Variants in CACNA2D3 observed in about 807,000 individuals in gnomAD.
CACNA2D3 encodes the protein voltage-dependent calcium channel subunit alpha-2/delta-3.
CACNA2D3 carries 60 observed loss-of-function variants against 160.6 expected under a neutral mutation model. That is an observed-to-expected ratio of 0.37 (90% CI 0.30 to 0.46). The LOEUF is 0.46. CACNA2D3 is among the 20% of genes least tolerant of loss of function. The pLI is 1.00. For missense variants in CACNA2D3, 1,205 were observed against 1,365.0 expected (o/e 0.88, Z 1.85); for synonymous variants, 558 against 492.9 (o/e 1.13, Z -1.75).
In CACNA2D3 at chr3:54,502,021, G is replaced by C. The variant is rs187106933; in HGVS notation, c.382-1471G>C. Among the ~76,000 whole-genome samples the C allele has an allele frequency of 2.1e-3, 325 of 152,280 alleles. 1 individual carries two copies. Among genetic ancestry groups the C allele is most frequent in the Non-Finnish European group, 3.5e-3 (237 of 68,024 alleles). On this transcript the variant is annotated intron_variant, in intron 4 of 37. Transcript: ENST00000474759. ...AATCCTTATCCCTGTTCCCCTACAG[G>C]TAAGATTCTCCCACCCTCTTTCTGG...
intron 15 of CACNA2D3, among the ~76,000 whole-genome samples, chr3:54,838,052 TG>T (rs2106758498): frequency 6.6e-6 from 1 of 152,198 alleles, no homozygotes; most frequent in East Asian, 1.9e-4. Flanking sequence ...CCTTGGAAAA[TG>T]GGGCTCCAGA....
intron 2 of CACNA2D3, 117 bp from the exon 3 acceptor site, chr3:54,320,325 A>G (rs1703959045): frequency 1.9e-6 from 1 of 539,648 alleles, no homozygotes. Context: ...ATTCACCAGA[A>G]GCAGTCATGG....
intron 2 of CACNA2D3, among the ~76,000 whole-genome samples, chr3:54,166,439 G>T (rs1159828452): frequency 6.6e-6 from 1 of 152,218 alleles, no homozygotes; most frequent in Non-Finnish European, 1.5e-5. Flanking sequence ...TCTGTCCAGA[G>T]CCCCTTGTTA....
At chr3:54,551,614 C>A (rs1489736019) in intron 5 of CACNA2D3, among the ~76,000 whole-genome samples, 1 of 152,126 alleles carries the variant, frequency 6.6e-6, no homozygotes, top group African/African-American at 2.4e-5. Context: ...TGGGCCAGAT[C>A]AGAATGGTGT....
intron 2 of CACNA2D3, among the ~76,000 whole-genome samples, chr3:54,291,865 C>T (rs565466617): frequency 6.6e-6 from 1 of 152,262 alleles, no homozygotes; most frequent in Admixed American, 6.5e-5. Context: ...CTGTTACGTG[C>T]TGAACACTGT....
In CACNA2D3 at chr3:54,182,289, T is replaced by G. The variant is rs78033501; in HGVS notation, c.204+58695T>G. On this transcript the variant is annotated intron_variant, in intron 2 of 37. Transcript: ENST00000474759. ...AAATGAGATTTTGCTTGATTGGTATTTTTATTTTGGAAATCCAATTTTAGC... is the reference window on the plus strand; with the variant it reads ...AAATGAGATTTTGCTTGATTGGTATGTTTATTTTGGAAATCCAATTTTAGC... Among the ~76,000 whole-genome samples the G allele has an allele frequency of 3.6e-3, 542 of 152,338 alleles. 26 individuals carry two copies. The East Asian group carries it at 0.095, about 27-fold the overall frequency.
At chr3:54,534,528 A>G (rs557776218) in intron 5 of CACNA2D3, among the ~76,000 whole-genome samples, 1 of 152,010 alleles carries the variant, frequency 6.6e-6, no homozygotes, top group Non-Finnish European at 1.5e-5. Context: ...TTCCCGCTGT[A>G]ATGGTATATG....
At chr3:54,171,158 T>TTTTTTTTTTTTTTTTTTTTTTG (rs1553743546) in intron 2 of CACNA2D3, among the ~76,000 whole-genome samples, 1 of 140,678 alleles carries the variant, frequency 7.1e-6, no homozygotes. Context: ...TTTTTTTTTT[T>TTTTTTTTTTTTTTTTTTTTTTG]AGGAATAGCT....
chr3:54,400,208 C>A (rs1699426988), intron 4 of CACNA2D3, among the ~76,000 whole-genome samples: 1 of 149,318 alleles, frequency 6.7e-6, no homozygotes, highest in Non-Finnish European at 1.5e-5. Context: ...CTGGCACTCC[C>A]TAGTGAGATG....
intron 2 of CACNA2D3, among the ~76,000 whole-genome samples, chr3:54,257,308 C>G (rs1485101146): frequency 1.3e-5 from 2 of 152,206 alleles, no homozygotes; most frequent in South Asian, 2.1e-4. Flanking sequence ...CGGCAAATAT[C>G]TGATTCAAAT....
chr3:54,523,843 A>G (rs925365114), intron 5 of CACNA2D3, among the ~76,000 whole-genome samples: 10 of 151,978 alleles, frequency 6.6e-5, no homozygotes, highest in Non-Finnish European at 1.0e-4. Context: ...TAAAGTTGTT[A>G]GTAATATGCC....
chr3:54,433,898 C>T (rs568176466), intron 4 of CACNA2D3, among the ~76,000 whole-genome samples: 1 of 152,314 alleles, frequency 6.6e-6, no homozygotes, highest in East Asian at 1.9e-4. Context: ...TACTAATTAT[C>T]CAACCCCCTG....
At chr3:54,778,815 A>G (rs1702474765) in intron 13 of CACNA2D3, among the ~76,000 whole-genome samples, 1 of 152,178 alleles carries the variant, frequency 6.6e-6, no homozygotes, top group Admixed American at 6.5e-5. Context: ...ATCTTCTCCA[A>G]CATTTCACTC....
At chr3:54,386,814 T>A (rs772711940) in intron 4 of CACNA2D3, 40 bp downstream of exon 4, 1 of 1,540,712 alleles carries the variant, frequency 6.5e-7, no homozygotes, top group Non-Finnish European at 8.8e-7. Context: ...TTTGTGTGTT[T>A]CCTGCCAAAG....
Position 54,896,883 on chromosome 3 carries a change from G to T in CACNA2D3, c.2368+13G>T. On this transcript the variant is annotated intron_variant, in intron 26 of 37. Coordinates refer to ENST00000474759, the MANE Select transcript of CACNA2D3 (RefSeq NM_018398.3). ...CCATTCAGCACTGGTGGGTGCCCTT[G>T]TTGGAGGCGGGCTCTGTCTGTCTGG... is the stretch of plus-strand genomic sequence containing the variant. The T allele has an allele frequency of 1.2e-6, 2 of 1,613,910 alleles. No individual in the cohort carries two copies. Among genetic ancestry groups the T allele is most frequent in the Non-Finnish European group, 1.7e-6 (2 of 1,179,858 alleles).
chr3:54,522,310 T>G (rs1701658198), intron 5 of CACNA2D3, among the ~76,000 whole-genome samples: 1 of 152,180 alleles, frequency 6.6e-6, no homozygotes, highest in South Asian at 2.1e-4. Flanking sequence ...ATGAAATTGT[T>G]TTCTTAATTT....
At chr3:54,845,271 AC>A (rs1413222146) in intron 16 of CACNA2D3, among the ~76,000 whole-genome samples, 1 of 152,160 alleles carries the variant, frequency 6.6e-6, no homozygotes, top group Non-Finnish European at 1.5e-5. Context: ...ATTTCACATC[AC>A]CTTGACGTTA....
At chr3:54,885,679 TTTG>T (rs1333882084) in intron 23 of CACNA2D3, 93 bp downstream of exon 23, 45 of 842,272 alleles carry the variant, frequency 5.3e-5, no homozygotes, top group Non-Finnish European at 8.3e-5. Flanking sequence ...TAAGGGAAGC[TTTG>T]CTTTGGCAGA....
At chr3:54,320,334 G>A (rs1356567189) in intron 2 of CACNA2D3, 108 bp from the exon 3 acceptor site, 2 of 555,300 alleles carry the variant, frequency 3.6e-6, no homozygotes. Flanking sequence ...AAGCAGTCAT[G>A]GTGTAATTTT....
Sources: gnomAD v4.1 joint callset for allele counts (sites outside exome capture counted in the v4.1 genomes callset) on GRCh38, gnomAD v4.1.1 for gene constraint, MANE v1.5 for transcripts, NCBI Gene and HGNC (gene_info 2026-07-23, HGNC 2026-07-21) for gene names.